The following TOX variants were observed in gnomAD, a reference collection of about 807,000 sequenced individuals.
TOX encodes thymocyte selection associated high mobility group box.
A neutral mutation model predicts 53.7 loss-of-function variants in TOX; 11 were observed. That is an observed-to-expected ratio of 0.20 (90% CI 0.13 to 0.34). The LOEUF (loss-of-function observed/expected upper bound fraction) is 0.34. TOX is among the 10% of genes least tolerant of loss of function. The probability of loss-of-function intolerance (pLI) is 1.00; values close to 1 mark genes in which losing one functional copy is unlikely to be tolerated. For missense variants in TOX, 570 were observed against 664.6 expected, an observed-to-expected ratio of 0.86 and a Z score of 1.56; for synonymous variants, 225 against 245.3, an observed-to-expected ratio of 0.92 and a Z score of 0.77.
chr8:59,019,095 A>G (rs1585967551), intron 1 of TOX, among the ~76,000 whole-genome samples: 1 of 152,070 alleles, frequency 6.6e-6, no homozygotes, highest in East Asian at 1.9e-4. Flanking sequence ...TCATAGGTAG[A>G]TCCTGATTAA....
intron 1 of TOX, among the ~76,000 whole-genome samples, chr8:59,022,765 TAGAC>T (rs1315785234): frequency 2.6e-5 from 4 of 152,124 alleles, no homozygotes; most frequent in Admixed American, 2.6e-4. Context: ...CAACTAGAAA[TAGAC>T]AGGTGAGCAA....
intron 1 of TOX, among the ~76,000 whole-genome samples, chr8:59,024,551 T>TACA (rs1406211466): frequency 6.6e-6 from 1 of 152,188 alleles, no homozygotes; most frequent in Non-Finnish European, 1.5e-5. Flanking sequence ...CTGTCACGTT[T>TACA]TTGTGTTCAG....
In TOX at chr8:59,023,456, A is replaced by G. The variant is rs1197344713; in HGVS notation, c.103-63448T>C. Among the ~76,000 whole-genome samples the G allele has an allele frequency of 2.1e-5, 3 of 143,500 alleles. No individual in the cohort carries two copies. The East Asian group carries it at 6.2e-4, about 30-fold the overall frequency. The allele number at this position is 143,500 out of a possible 152,430, so 94.1% of individuals were successfully genotyped here. A position where few individuals can be genotyped will look rare whatever the true frequency, so the allele number is the denominator to read the frequency against. Reference sequence around the variant, plus strand: ...TTTACAGTTGGAGAAGGCAACTCTGAGAAGTTAAGTCATCTGCTCGAAATC... The same window carrying G: ...TTTACAGTTGGAGAAGGCAACTCTGGGAAGTTAAGTCATCTGCTCGAAATC... On this transcript the variant is annotated intron_variant, in intron 1 of 8. Transcript: ENST00000361421.
intron 1 of TOX, among the ~76,000 whole-genome samples, chr8:59,011,953 C>T (rs1813913886): frequency 6.6e-6 from 1 of 152,146 alleles, no homozygotes; most frequent in African/African-American, 2.4e-5. Context: ...CGAGGCTTGA[C>T]ACACAAGTTC....
intron 5 of TOX, 64 bp downstream of exon 5, chr8:58,838,017 G>C (rs545999346): frequency 2.9e-5 from 43 of 1,484,396 alleles, no homozygotes; most frequent in Non-Finnish European, 3.7e-5. Context: ...GCCCTGGGAG[G>C]CCATTTCTTC....
intron 6 of TOX, among the ~76,000 whole-genome samples, chr8:58,818,803 G>A (rs770457493): frequency 1.3e-5 from 2 of 152,156 alleles, no homozygotes; most frequent in Non-Finnish European, 2.9e-5. Context: ...TTCCTGAAGT[G>A]ATGAGAAATT....
intron 1 of TOX, among the ~76,000 whole-genome samples, chr8:59,056,174 C>T (rs1241052882): frequency 6.6e-6 from 1 of 151,690 alleles, no homozygotes; most frequent in Non-Finnish European, 1.5e-5. Flanking sequence ...GCCTATAATC[C>T]CAGCACTTTG....
intron 3 of TOX, among the ~76,000 whole-genome samples, chr8:58,897,241 C>T (rs552917522): frequency 6.6e-6 from 1 of 152,270 alleles, no homozygotes; most frequent in East Asian, 1.9e-4. Flanking sequence ...CACTCACACC[C>T]TACTCTATAA....
At chr8:59,067,080 C>T (rs1276075574) in intron 1 of TOX, among the ~76,000 whole-genome samples, 1 of 152,140 alleles carries the variant, frequency 6.6e-6, no homozygotes, top group Non-Finnish European at 1.5e-5. Context: ...TTTCTGCAGA[C>T]CGTCTTGCTG....
chr8:59,044,371 T>C lies in TOX; in HGVS notation c.102+74515A>G, dbSNP rs1803649131. On this transcript the variant is annotated intron_variant, in intron 1 of 8. Coordinates refer to ENST00000361421, the MANE Select transcript of TOX (RefSeq NM_014729.3). ...ATTTGGCAGAGGTGAAAGTTGACTG[T>C]GGTAGCTTGCTACTACAAGTGCACT... Among the ~76,000 whole-genome samples the C allele has an allele frequency of 2.0e-5, 3 of 152,296 alleles. No homozygotes were observed. In the South Asian group the frequency reaches 6.2e-4, roughly 32 times the overall value.
chr8:58,828,390 A>T (rs1810398581), intron 5 of TOX, among the ~76,000 whole-genome samples: 1 of 152,198 alleles, frequency 6.6e-6, no homozygotes. Flanking sequence ...AGCCAAGTAA[A>T]ATAAGGAATT....
chr8:58,949,242 A>C (rs2129177369), intron 2 of TOX, among the ~76,000 whole-genome samples: 1 of 152,340 alleles, frequency 6.6e-6, no homozygotes, highest in Non-Finnish European at 1.5e-5. Context: ...GATGACTTAA[A>C]ATGGACTGTG....
At chr8:58,935,560 T>C (rs899771427) in intron 3 of TOX, among the ~76,000 whole-genome samples, 71 of 152,328 alleles carry the variant, frequency 4.7e-4, no homozygotes, top group Middle Eastern at 3.4e-3. Context: ...TCTCATATTG[T>C]AGGTGACCTT....
chr8:58,924,517 T>G (rs553805712), intron 3 of TOX, among the ~76,000 whole-genome samples: 317 of 152,386 alleles, frequency 2.1e-3, no homozygotes, highest in African/African-American at 7.1e-3. Flanking sequence ...ACACATTTTA[T>G]GCCTGAATGG....
chr8:59,104,285 T>C (rs1586021683), intron 1 of TOX, among the ~76,000 whole-genome samples: 1 of 152,278 alleles, frequency 6.6e-6, no homozygotes, highest in African/African-American at 2.4e-5. Context: ...AAACTGTACC[T>C]GGCTCTCCCT....
At chr8:58,975,839 C>A (rs1304519687) in intron 1 of TOX, among the ~76,000 whole-genome samples, 1 of 151,972 alleles carries the variant, frequency 6.6e-6, no homozygotes, top group African/African-American at 2.4e-5. Context: ...TCTGGGTGGC[C>A]GAGGCGGGTG....
intron 1 of TOX, among the ~76,000 whole-genome samples, chr8:59,090,026 C>A (rs1804583705): frequency 6.6e-6 from 1 of 152,212 alleles, no homozygotes; most frequent in Non-Finnish European, 1.5e-5. Flanking sequence ...CAGGTGCTTT[C>A]AGTGCACTAT....
chr8:58,857,809 G>A lies in TOX; in HGVS notation c.412-6004C>T, dbSNP rs114109115. On this transcript the variant is annotated intron_variant, in intron 3 of 8. Coordinates refer to ENST00000361421, the MANE Select transcript of TOX (RefSeq NM_014729.3). ...CTTTGAGATGGACTCTTACTCTGTC[G>A]CACAGGCTACAGTGCATTTGCACGA... Among the ~76,000 whole-genome samples, 607 of 151,220 alleles carry A rather than the reference G, an allele frequency of 4.0e-3. 6 individuals carry two copies. Among genetic ancestry groups the A allele is most frequent in the African/African-American group, 0.014 (572 of 41,106 alleles).
intron 1 of TOX, among the ~76,000 whole-genome samples, chr8:59,026,759 C>T (rs1477300724): frequency 6.6e-6 from 1 of 152,134 alleles, no homozygotes; most frequent in Admixed American, 6.6e-5. Flanking sequence ...GCTCCACCTA[C>T]TGAAGTTGCA....
Sources: allele counts gnomAD v4.1 joint callset (sites outside exome capture counted in the v4.1 genomes callset), GRCh38; gene constraint gnomAD v4.1.1; transcripts MANE v1.5; gene names NCBI Gene and HGNC (gene_info 2026-07-23, HGNC 2026-07-21).